The following CLIP4 variants were observed in gnomAD, a reference collection of about 807,000 sequenced individuals.
The protein encoded by CLIP4 is CAP-Gly domain containing linker protein family member 4.
Under a neutral mutation model 73.1 loss-of-function variants are expected in CLIP4, and 47 were observed. The observed-to-expected ratio is 0.64, with a 90% confidence interval of 0.51 to 0.82. The LOEUF (loss-of-function observed/expected upper bound fraction) is 0.82. CLIP4 is among the 40% of genes least tolerant of loss of function. The pLI is 0.00. For synonymous variants in CLIP4, 306 were observed against 295.4 expected, an observed-to-expected ratio of 1.04 and a Z score of -0.37; for missense variants, 874 against 852.9, an observed-to-expected ratio of 1.02 and a Z score of -0.31.
intron 11 of CLIP4, among the ~76,000 whole-genome samples, chr2:29,158,388 TC>T (rs1667074014): frequency 6.6e-6 from 1 of 151,936 alleles, no homozygotes; most frequent in Non-Finnish European, 1.5e-5. Flanking sequence ...TTTTTAACCT[TC>T]TAAACAAAGT....
intron 8 of CLIP4, among the ~76,000 whole-genome samples, chr2:29,150,578 G>A (rs954363903): frequency 2.0e-5 from 3 of 148,834 alleles, no homozygotes; most frequent in Non-Finnish European, 4.4e-5. Flanking sequence ...CCTGCTGCCT[G>A]TATTCACACA....
At position 29,160,345 on chromosome 2, in the gene CLIP4, C is replaced by T; in HGVS notation, c.1412C>T (p.Ser471Leu). Residue 471 changes from serine (S) to leucine (L), a missense_variant, in exon 12 of 16, where the codon TCA (serine) becomes TTA (leucine). By Grantham distance (145) the Ser-to-Leu change is moderately radical. Coordinates refer to ENST00000320081, the MANE Select transcript of CLIP4 (RefSeq NM_024692.6). Reference protein sequence around the residue: ...SSRASAGLNSSATSTANNSRC... With the variant: ...SSRASAGLNSLATSTANNSRC... ...CTGACTTAAACAGGTTTGAATTCCT[C>T]AGCAACATCTACAGCAAATAATAGC... 4 of 1,614,104 alleles carry T rather than the reference C, an allele frequency of 2.5e-6. No individual in the cohort carries two copies. Among genetic ancestry groups the T allele is most frequent in the Non-Finnish European group, 3.4e-6 (4 of 1,180,008 alleles).
Position 29,116,697 on chromosome 2 carries a change from C to G in CLIP4, c.-16+1032C>G, listed in dbSNP as rs77118231. 3.8e-3 allele frequency among the ~76,000 whole-genome samples: 575 copies of G among 152,286 alleles called. 6 individuals carry two copies. Among genetic ancestry groups the G allele is most frequent in the African/African-American group, 0.013 (526 of 41,564 alleles). ...TCCTGGTTCCAGCTTATTTTGCTTT[C>G]GTAAATATGATGCATTTTTTAAATG... On this transcript the variant is annotated intron_variant, in intron 1 of 15. Transcript: ENST00000320081.
At chr2:29,151,394 C>T (rs998053134) in intron 8 of CLIP4, among the ~76,000 whole-genome samples, 1 of 151,904 alleles carries the variant, frequency 6.6e-6, no homozygotes, top group Admixed American at 6.6e-5. Context: ...TCATCATCGT[C>T]GTCATTATCA....
intron 14 of CLIP4, among the ~76,000 whole-genome samples, chr2:29,170,326 C>G (rs1460204568): frequency 6.6e-6 from 1 of 152,142 alleles, no homozygotes; most frequent in Non-Finnish European, 1.5e-5. Flanking sequence ...TTTGAAGAAA[C>G]TCCATCCTGT....
intron 6 of CLIP4, among the ~76,000 whole-genome samples, chr2:29,142,907 G>A (rs1338841048): frequency 6.6e-6 from 1 of 152,214 alleles, no homozygotes; most frequent in Admixed American, 6.5e-5. Flanking sequence ...CATATACCAT[G>A]CAAATGACCG....
intron 4 of CLIP4, 86 bp downstream of exon 4, chr2:29,132,331 G>GT: frequency 9.3e-7 from 1 of 1,076,814 alleles, no homozygotes; most frequent in Non-Finnish European, 1.4e-6. Context: ...TATTGTCTGG[G>GT]GGAAGGCACC....
At chr2:29,168,319 A>G (rs1340157960) in intron 14 of CLIP4, among the ~76,000 whole-genome samples, 1 of 151,982 alleles carries the variant, frequency 6.6e-6, no homozygotes, top group African/African-American at 2.4e-5. Flanking sequence ...AGGGTAGTTT[A>G]TCTTTTATCT....
At chr2:29,171,797 C>T (rs1037005861) in intron 14 of CLIP4, among the ~76,000 whole-genome samples, 6 of 152,176 alleles carry the variant, frequency 3.9e-5, no homozygotes, top group Admixed American at 3.9e-4. Context: ...GGATTACAGG[C>T]GTGAGCCACC....
At chr2:29,153,463 C>G (rs747573062) in intron 9 of CLIP4, among the ~76,000 whole-genome samples, 3 of 151,858 alleles carry the variant, frequency 2.0e-5, no homozygotes, top group Non-Finnish European at 2.9e-5. Flanking sequence ...GTCTCTAGTT[C>G]ACTTTAATCT....
chr2:29,140,404 T>C (rs1477299530), intron 6 of CLIP4, among the ~76,000 whole-genome samples: 1 of 152,146 alleles, frequency 6.6e-6, no homozygotes, highest in Non-Finnish European at 1.5e-5. Flanking sequence ...ACAAAGGACA[T>C]GAACTCATCA....
At chr2:29,107,364 T>TG (rs1558504930) in intron 1 of CLIP4, among the ~76,000 whole-genome samples, 10 of 77,034 alleles carry the variant, frequency 1.3e-4, no homozygotes, top group Non-Finnish European at 1.6e-4. Flanking sequence ...GATAGTTTTT[T>TG]TTTTTTTTTT....
intron 12 of CLIP4, among the ~76,000 whole-genome samples, chr2:29,160,867 CAA>C (rs1003785779): frequency 4.6e-5 from 7 of 152,096 alleles, no homozygotes; most frequent in African/African-American, 1.7e-4. Flanking sequence ...GAAAAGCACA[CAA>C]AAGGGCTCAA....
At chr2:29,118,764 C>T (rs1000347407) in intron 1 of CLIP4, among the ~76,000 whole-genome samples, 2 of 152,040 alleles carry the variant, frequency 1.3e-5, no homozygotes, top group African/African-American at 4.8e-5. Context: ...GGGTGATCCA[C>T]CTGCCATGGC....
intron 15 of CLIP4, among the ~76,000 whole-genome samples, chr2:29,181,346 T>G (rs1668630979): frequency 6.6e-6 from 1 of 152,156 alleles, no homozygotes; most frequent in Admixed American, 6.5e-5. Context: ...GGAAGAAACT[T>G]CTGTGTATGC....
At chr2:29,168,683 C>A (rs936229997) in intron 14 of CLIP4, among the ~76,000 whole-genome samples, 1 of 151,574 alleles carries the variant, frequency 6.6e-6, no homozygotes, top group Non-Finnish European at 1.5e-5. Context: ...CCACCACGCC[C>A]GGCTAATTTT....
chr2:29,110,347 G>T (rs892773091), intron 1 of CLIP4, among the ~76,000 whole-genome samples: 2 of 152,210 alleles, frequency 1.3e-5, no homozygotes, highest in African/African-American at 4.8e-5. Flanking sequence ...GGTTCCTGGG[G>T]TCTCCAGTGG....
intron 9 of CLIP4, among the ~76,000 whole-genome samples, chr2:29,153,372 A>T (rs1666708407): frequency 6.6e-6 from 1 of 151,914 alleles, no homozygotes; most frequent in South Asian, 2.1e-4. Context: ...ACTTTGTCTC[A>T]TGCTATTTAT....
chr2:29,163,783 T>A, intron 12 of CLIP4, 48 bp from the exon 13 acceptor site: 1 of 1,560,824 alleles, frequency 6.4e-7, no homozygotes, highest in South Asian at 1.2e-5. Flanking sequence ...AGCATAAGAG[T>A]TTTGGATAAA....
Sources: gnomAD v4.1 joint callset for allele counts (sites outside exome capture counted in the v4.1 genomes callset) on GRCh38, gnomAD v4.1.1 for gene constraint, MANE v1.5 for transcripts, NCBI Gene and HGNC (gene_info 2026-07-23, HGNC 2026-07-21) for gene names.